POU6F2: variants seen among roughly 807,000 people sequenced by gnomAD.
POU6F2 encodes POU class 6 homeobox 2.
In POU6F2, 31 loss-of-function variants were observed where a neutral mutation model predicts 71.3. The ratio of observed to expected loss-of-function variants is 0.43; its 90% CI spans 0.33 to 0.59. The LOEUF (loss-of-function observed/expected upper bound fraction) is 0.59, where lower values mean the gene tolerates loss of function less well. Ranked by LOEUF, POU6F2 falls within the 20% of genes least tolerant of loss-of-function variation. The probability of loss-of-function intolerance (pLI) is 0.04; values close to 1 mark genes in which losing one functional copy is unlikely to be tolerated. For synonymous variants in POU6F2, 347 were observed against 355.7 expected, an observed-to-expected ratio of 0.98 and a Z score of 0.27; for missense variants, 783 against 856.8, an observed-to-expected ratio of 0.91 and a Z score of 1.07.
chr7:39,392,968 A>G (rs760318707), intron 5 of POU6F2, among the ~76,000 whole-genome samples: 7 of 152,314 alleles, frequency 4.6e-5, no homozygotes, highest in Non-Finnish European at 8.8e-5. Flanking sequence ...TCTTCTTCCT[A>G]AATGTAGAAA....
intron 6 of POU6F2, among the ~76,000 whole-genome samples, chr7:39,411,869 A>C (rs183522639): frequency 1.5e-3 from 231 of 152,380 alleles, no homozygotes; most frequent in South Asian, 0.013. Context: ...ATGGAGAGGC[A>C]GGAACACCAC....
chr7:39,379,272 G>A (rs922342869), intron 5 of POU6F2, among the ~76,000 whole-genome samples: 1 of 152,264 alleles, frequency 6.6e-6, no homozygotes, highest in South Asian at 2.1e-4. Flanking sequence ...ACAGATTTTG[G>A]CATAGAATCA....
chr7:39,310,520 T>C (rs191230283), intron 4 of POU6F2, among the ~76,000 whole-genome samples: 9 of 152,300 alleles, frequency 5.9e-5, no homozygotes, highest in Admixed American at 4.6e-4. Context: ...GAAAAACATT[T>C]GTCATTGGTT....
intron 2 of POU6F2, among the ~76,000 whole-genome samples, chr7:39,110,498 C>T (rs373709394): frequency 6.6e-6 from 1 of 151,836 alleles, no homozygotes; most frequent in Non-Finnish European, 1.5e-5. Flanking sequence ...AATTATGTCA[C>T]GTTGGTAGCT....
intron 2 of POU6F2, among the ~76,000 whole-genome samples, chr7:39,149,947 A>G (rs1584568990): frequency 6.7e-6 from 1 of 149,102 alleles, no homozygotes; most frequent in South Asian, 2.1e-4. Flanking sequence ...GTGCAGTGGC[A>G]CAATCTCGGC....
intron 5 of POU6F2, among the ~76,000 whole-genome samples, chr7:39,342,736 A>G (rs944136834): frequency 1.5e-4 from 23 of 152,208 alleles, no homozygotes; most frequent in Non-Finnish European, 1.5e-4. Flanking sequence ...ATGAAAAAAA[A>G]TTAATAGTGT....
intron 4 of POU6F2, among the ~76,000 whole-genome samples, chr7:39,228,095 C>A (rs1794505695): frequency 6.6e-6 from 1 of 152,150 alleles, no homozygotes; most frequent in Admixed American, 6.5e-5. Flanking sequence ...GTTTGACTCA[C>A]AATATCTGGA....
chr7:39,334,745 T>A (rs1409798115), intron 4 of POU6F2, among the ~76,000 whole-genome samples: 1 of 152,218 alleles, frequency 6.6e-6, no homozygotes, highest in African/African-American at 2.4e-5. Context: ...GGATGTTCCA[T>A]TTACTAATTC....
chr7:39,436,920 T>A lies in POU6F2; in HGVS notation c.1320+3637T>A, dbSNP rs185102235. Among the ~76,000 whole-genome samples, 157 of 152,360 alleles carry A rather than the reference T, an allele frequency of 1.0e-3. 1 individual carries two copies. The highest frequency in any genetic ancestry group is 3.6e-3 in the African/African-American group (151 of 41,578). On this transcript the variant is annotated intron_variant, in intron 7 of 9. Transcript: ENST00000518318. ...CTTTGATTCTCTTTATGCAATGGATTACGCTTATTCATTTGCATATGTTGA... is the reference window on the plus strand; with the variant it reads ...CTTTGATTCTCTTTATGCAATGGATAACGCTTATTCATTTGCATATGTTGA...
Position 39,104,813 on chromosome 7 carries a change from TAAAAG to T in POU6F2, c.277+18786_277+18790del, listed in dbSNP as rs1417204869. On this transcript the variant is annotated intron_variant, in intron 2 of 9. Coordinates refer to ENST00000518318, the MANE Select transcript of POU6F2 (RefSeq NM_001370959.1). ...TTATTTCTTTTCTGTCTCATAAACT[TAAAAG>T]AAAGCACTTTGGAGACCGTGTCTTC... Among the ~76,000 whole-genome samples the T allele has an allele frequency of 3.3e-5, 5 of 152,338 alleles. No individual in the cohort carries two copies. The East Asian group carries it at 9.6e-4, about 29-fold the overall frequency.
chr7:39,317,892 C>G (rs905442440), intron 4 of POU6F2, among the ~76,000 whole-genome samples: 1 of 152,148 alleles, frequency 6.6e-6, no homozygotes, highest in African/African-American at 2.4e-5. Flanking sequence ...AATTCTCATA[C>G]ATTTGGCAGA....
intron 2 of POU6F2, among the ~76,000 whole-genome samples, chr7:39,120,400 C>G (rs757534112): frequency 2.9e-4 from 44 of 152,184 alleles, no homozygotes; most frequent in African/African-American, 1.0e-3. Context: ...ACTATTACCT[C>G]TCTCTTTCAT....
intron 7 of POU6F2, among the ~76,000 whole-genome samples, chr7:39,442,307 C>G (rs1788424642): frequency 6.6e-6 from 1 of 152,128 alleles, no homozygotes; most frequent in South Asian, 2.1e-4. Context: ...AAATATGTCA[C>G]TAAGACAGCA....
At chr7:39,213,179 G>A (rs1266775651) in intron 4 of POU6F2, among the ~76,000 whole-genome samples, 1 of 152,162 alleles carries the variant, frequency 6.6e-6, no homozygotes, top group East Asian at 1.9e-4. Context: ...ACATTAAAGA[G>A]TGCTGCTAAA....
chr7:38,980,746 T>G (rs905998647), intron 1 of POU6F2, among the ~76,000 whole-genome samples: 1 of 152,202 alleles, frequency 6.6e-6, no homozygotes, highest in Non-Finnish European at 1.5e-5. Flanking sequence ...CTAGATGGCT[T>G]TGGGTTGGAG....
chr7:39,237,990 G>T (rs890078768), intron 4 of POU6F2, among the ~76,000 whole-genome samples: 1 of 151,978 alleles, frequency 6.6e-6, no homozygotes, highest in African/African-American at 2.4e-5. Context: ...TCTTTGAATC[G>T]CAGTCTTTGA....
At chr7:39,260,845 GCACACATAGGTACCACACCACATAC>G (rs1296919690) in intron 4 of POU6F2, among the ~76,000 whole-genome samples, 1 of 150,096 alleles carries the variant, frequency 6.7e-6, no homozygotes, top group African/African-American at 2.5e-5. Flanking sequence ...CACACACAAT[GCACACATAGGTACCACACCACATAC>G]CACAGACTCC....
chr7:38,999,061 A>C (rs1788825806), intron 1 of POU6F2, among the ~76,000 whole-genome samples: 1 of 152,134 alleles, frequency 6.6e-6, no homozygotes, highest in African/African-American at 2.4e-5. Flanking sequence ...ACAGTGGAGA[A>C]CATAGCAATG....
chr7:39,205,913 TA>T (rs2128745650), intron 3 of POU6F2, among the ~76,000 whole-genome samples: 1 of 152,300 alleles, frequency 6.6e-6, no homozygotes, highest in East Asian at 1.9e-4. Context: ...CCCACTTCTC[TA>T]AATCTGTTCT....
Sources: allele counts gnomAD v4.1 joint callset (sites outside exome capture counted in the v4.1 genomes callset), GRCh38; gene constraint gnomAD v4.1.1; transcripts MANE v1.5; gene names NCBI Gene and HGNC (gene_info 2026-07-23, HGNC 2026-07-21).